SCN11A: variants seen among roughly 807,000 people sequenced by gnomAD.
The protein encoded by SCN11A is sodium voltage-gated channel alpha subunit 11.
Under a neutral mutation model 162.2 loss-of-function variants are expected in SCN11A, and 122 were observed. That is an observed-to-expected ratio of 0.75 (90% CI 0.65 to 0.87). The LOEUF (loss-of-function observed/expected upper bound fraction) is 0.87. Among genes scored for constraint, SCN11A ranks in the 40% least tolerant of loss-of-function variants. The pLI is 0.00. For synonymous variants in SCN11A, 758 were observed against 751.5 expected, an observed-to-expected ratio of 1.01 and a Z score of -0.14; for missense variants, 2,015 against 2,181.6, an observed-to-expected ratio of 0.92 and a Z score of 1.52.
Position 38,850,681 on chromosome 3 carries a change from A to G in SCN11A, c.4127T>C (p.Ile1376Thr). 6 of 1,613,688 alleles carry G rather than the reference A, an allele frequency of 3.7e-6. No homozygotes were observed. The highest frequency in any genetic ancestry group is 5.1e-6 in the Non-Finnish European group (6 of 1,179,616). ...CATCATGCTAATCATGTTTAGGATA[A>G]TGAGACTTATGATGATGATGTCAAA... ...QIFDIIIISL[I>T]ILNMISMMAE... Residue 1376 changes from isoleucine (I) to threonine (T), a missense_variant, in exon 29 of 30, where the codon ATT becomes ACT. Ile to Thr is a moderately conservative substitution (Grantham distance 89, BLOSUM62 -1). Transcript: ENST00000302328.
chr3:38,871,361 C>G, intron 25 of SCN11A, 84 bp downstream of exon 25: 1 of 1,328,704 alleles, frequency 7.5e-7, no homozygotes, highest in Non-Finnish European at 1.0e-6. Context: ...AATGGAGTCA[C>G]TGCATTTTTA....
chr3:38,896,184 A>C, intron 18 of SCN11A, among the ~76,000 whole-genome samples: 1 of 152,180 alleles, frequency 6.6e-6, no homozygotes, highest in East Asian at 1.9e-4. Flanking sequence ...GCTTTGTTTT[A>C]GGCTGGCTCT....
At chr3:38,931,784 C>T (rs1033658865) in intron 7 of SCN11A, among the ~76,000 whole-genome samples, 28 of 152,328 alleles carry the variant, frequency 1.8e-4, no homozygotes, top group African/African-American at 6.3e-4. Flanking sequence ...ATACCTCTAG[C>T]GGGAGTGATT....
chr3:38,940,752 G>C (rs1290750350), intron 7 of SCN11A, among the ~76,000 whole-genome samples: 3 of 152,130 alleles, frequency 2.0e-5, no homozygotes, highest in Non-Finnish European at 2.9e-5. Flanking sequence ...CTCAAGGCTA[G>C]AGAAAGTGTT....
At chr3:38,893,214 T>G (rs150627282) in intron 19 of SCN11A, among the ~76,000 whole-genome samples, 6 of 152,220 alleles carry the variant, frequency 3.9e-5, no homozygotes, top group Non-Finnish European at 7.4e-5. Flanking sequence ...CTGGGATGAC[T>G]CTATTAACAT....
At chr3:38,870,582 A>T in intron 26 of SCN11A, 109 bp downstream of exon 26, 1 of 860,364 alleles carries the variant, frequency 1.2e-6, no homozygotes, top group Non-Finnish European at 1.9e-6. Context: ...AAAACAAGGC[A>T]GAGAACCCCA....
rs991507450 is a variant in SCN11A, at chr3:39,027,647, C to T, written c.-280+4733G>A. ...CTATCCCTTAAAACATCTCACAAACCCGACTGGGGAGGCTGTTTACCCCAC... is the reference window on the plus strand; with the variant it reads ...CTATCCCTTAAAACATCTCACAAACTCGACTGGGGAGGCTGTTTACCCCAC... On this transcript the variant is annotated intron_variant, in intron 2 of 29. Transcript: ENST00000302328. Among the ~76,000 whole-genome samples the T allele has an allele frequency of 2.0e-5, 3 of 152,146 alleles. No individual in the cohort carries two copies. In the South Asian group the frequency reaches 6.2e-4, roughly 32 times the overall value.
chr3:38,986,982 C>G (rs1323478362), intron 2 of SCN11A, among the ~76,000 whole-genome samples: 2 of 152,130 alleles, frequency 1.3e-5, no homozygotes, highest in Admixed American at 6.5e-5. Flanking sequence ...TCTTTCCGCA[C>G]CTGGACAACT....
At chr3:38,933,417 A>G (rs145748289) in intron 7 of SCN11A, among the ~76,000 whole-genome samples, 10,141 of 152,274 alleles carry the variant, frequency 0.067, 380 homozygotes, top group Middle Eastern at 0.11. Flanking sequence ...CAGACGATCA[A>G]ACTACTCCGA....
intron 9 of SCN11A, among the ~76,000 whole-genome samples, chr3:38,922,075 G>A (rs562351996): frequency 6.6e-6 from 1 of 152,290 alleles, no homozygotes; most frequent in Admixed American, 6.5e-5. Context: ...AAAAGAACAA[G>A]TCAACTTCAG....
intron 19 of SCN11A, among the ~76,000 whole-genome samples, chr3:38,890,595 T>C (rs1289594788): frequency 6.6e-6 from 1 of 152,258 alleles, no homozygotes; most frequent in African/African-American, 2.4e-5. Context: ...CTGAATTTAA[T>C]TGAATCAGAC....
chr3:38,921,702 G>A (rs571038537), intron 9 of SCN11A, among the ~76,000 whole-genome samples: 1 of 152,266 alleles, frequency 6.6e-6, no homozygotes, highest in African/African-American at 2.4e-5. Flanking sequence ...AAATTGTGGG[G>A]TATAGGGGAT....
At chr3:38,974,438 A>C (rs979132567) in intron 2 of SCN11A, among the ~76,000 whole-genome samples, 1 of 151,882 alleles carries the variant, frequency 6.6e-6, no homozygotes, top group Non-Finnish European at 1.5e-5. Flanking sequence ...GCTCATGCCT[A>C]TAATCCCAGC....
intron 2 of SCN11A, among the ~76,000 whole-genome samples, chr3:39,007,621 A>T (rs1219619141): frequency 6.6e-6 from 1 of 152,226 alleles, no homozygotes; most frequent in African/African-American, 2.4e-5. Context: ...CACTTAAAAA[A>T]GTTTCCAGGT....
chr3:38,880,061 G>A lies in SCN11A; in HGVS notation c.3282C>T (p.Asp1094=), dbSNP rs201276935. 9.3e-6 allele frequency: 15 copies of A among 1,610,166 alleles called. No homozygotes were observed. In the African/African-American group the frequency reaches 1.7e-4, roughly 19 times the overall value. Residue 1094 remains aspartate, a synonymous_variant, in exon 23 of 30, where the codon GAC becomes GAT. Coordinates refer to ENST00000302328, the MANE Select transcript of SCN11A (RefSeq NM_001349253.2). ...GGATAAAAATATGTGTAAAAATAAT[G>A]TCAGTACAATTTAGTAATTCTTGGA... is the stretch of plus-strand genomic sequence containing the variant. ...PKIQELLNCT[D]IIFTHIFILE...
At chr3:38,863,731 T>G (rs2065000816) in intron 27 of SCN11A, among the ~76,000 whole-genome samples, 1 of 152,034 alleles carries the variant, frequency 6.6e-6, no homozygotes, top group African/African-American at 2.4e-5. Context: ...GCATAAAATC[T>G]GTTCAGAGCC....
chr3:38,932,274 C>T (rs1023567406), intron 7 of SCN11A, among the ~76,000 whole-genome samples: 1 of 152,220 alleles, frequency 6.6e-6, no homozygotes, highest in African/African-American at 2.4e-5. Flanking sequence ...CTCCAGTCTA[C>T]AGCTCCCAGC....
intron 2 of SCN11A, chr3:39,026,030 GAGA>G (rs1351610007): frequency 6.6e-6 from 1 of 152,086 alleles, no homozygotes; most frequent in Non-Finnish European, 1.5e-5. Flanking sequence ...GAATGATACA[GAGA>G]AGATTAACAT....
At chr3:38,933,155 C>T (rs2066272660) in intron 7 of SCN11A, among the ~76,000 whole-genome samples, 2 of 152,232 alleles carry the variant, frequency 1.3e-5, no homozygotes, top group Admixed American at 1.3e-4. Context: ...AGACCTGCAG[C>T]TGAGGGTCCT....
Sources: gnomAD v4.1 joint callset for allele counts (sites outside exome capture counted in the v4.1 genomes callset) on GRCh38, gnomAD v4.1.1 for gene constraint, MANE v1.5 for transcripts, NCBI Gene and HGNC (gene_info 2026-07-23, HGNC 2026-07-21) for gene names.